The following NFIB variants were observed in gnomAD, a reference collection of about 807,000 sequenced individuals.
NFIB encodes nuclear factor 1 B-type.
Under a neutral mutation model 61.5 loss-of-function variants are expected in NFIB, and 11 were observed. The ratio of observed to expected loss-of-function variants is 0.18; its 90% CI spans 0.11 to 0.30. The LOEUF (loss-of-function observed/expected upper bound fraction) is 0.30, where lower values mean the gene tolerates loss of function less well. Ranked by LOEUF, NFIB falls within the 10% of genes least tolerant of loss-of-function variation. The pLI is 1.00. For missense variants in NFIB, 471 were observed against 608.9 expected, an observed-to-expected ratio of 0.77 and a Z score of 2.38; for synonymous variants, 260 against 216.5, an observed-to-expected ratio of 1.20 and a Z score of -1.76.
At chr9:14,412,706 G>C in the NFIB span, among the ~76,000 whole-genome samples, 3 of 152,118 alleles carry the variant, frequency 2.0e-5, no homozygotes, top group African/African-American at 7.2e-5. Context: ...CAATGCCCCA[G>C]ACCCAAGAGA....
At chr9:14,432,863 A>C in the NFIB span, among the ~76,000 whole-genome samples, 1 of 152,214 alleles carries the variant, frequency 6.6e-6, no homozygotes, top group Non-Finnish European at 1.5e-5. Context: ...CTTTTCTTGG[A>C]AAGGGAGAAG....
chr9:14,481,195 G>GTGTA, the NFIB span, among the ~76,000 whole-genome samples: 13 of 35,054 alleles, frequency 3.7e-4, no homozygotes, highest in South Asian at 1.4e-3. Flanking sequence ...GTGTGTGTGT[G>GTGTA]TGTATATATA....
At chr9:14,220,249 T>C (rs1268930559) in intron 2 of NFIB, among the ~76,000 whole-genome samples, 2 of 152,204 alleles carry the variant, frequency 1.3e-5, no homozygotes, top group African/African-American at 4.8e-5. Context: ...ACAAGGACAA[T>C]GTAGATCCAT....
At chr9:14,174,531 G>C (rs1311157818) in intron 3 of NFIB, among the ~76,000 whole-genome samples, 2 of 152,128 alleles carry the variant, frequency 1.3e-5, no homozygotes, top group African/African-American at 4.8e-5. Flanking sequence ...ACTTTGGGAG[G>C]CTGAGGCGGG....
Position 14,088,089 on chromosome 9 carries a change from C to T in NFIB, c.*220G>A. The T allele has an allele frequency of 9.8e-7, 1 of 1,017,284 alleles. No homozygotes were observed. Among genetic ancestry groups the T allele is most frequent in the Non-Finnish European group, 1.3e-6 (1 of 763,594 alleles). The allele number at this position is 1,017,284 out of a possible 1,614,324, so 63.0% of individuals were successfully genotyped here. A position where few individuals can be genotyped will look rare whatever the true frequency, so the allele number is the denominator to read the frequency against. ...TTGCTGGTCTATTATCTTCTTTCTT[C>T]AGTTTCTTTCCTTTCTGCCTTTGTG... On this transcript the variant is annotated 3_prime_UTR_variant, in exon 11 of 11. Coordinates refer to ENST00000380953, the MANE Select transcript of NFIB (RefSeq NM_001190737.2).
intron 6 of NFIB, among the ~76,000 whole-genome samples, chr9:14,145,818 C>A (rs73411929): frequency 6.6e-6 from 1 of 151,484 alleles, no homozygotes; most frequent in Non-Finnish European, 1.5e-5. Flanking sequence ...GCTTGGCTTA[C>A]GTTTTATTTT....
At chr9:14,393,030 T>G (rs2061643157) in intron 1 of NFIB, among the ~76,000 whole-genome samples, 1 of 152,248 alleles carries the variant, frequency 6.6e-6, no homozygotes, top group Admixed American at 6.5e-5. Context: ...TGGGCAAGTC[T>G]ATTTTCATTA....
At chr9:14,349,124 T>C (rs193026434) in intron 1 of NFIB, among the ~76,000 whole-genome samples, 83 of 152,366 alleles carry the variant, frequency 5.4e-4, no homozygotes, top group African/African-American at 2.0e-3. Context: ...AACAGATCTC[T>C]GTATTTTTAA....
intron 2 of NFIB, among the ~76,000 whole-genome samples, chr9:14,210,377 T>C (rs1437630704): frequency 6.6e-6 from 1 of 152,028 alleles, no homozygotes; most frequent in East Asian, 1.9e-4. Context: ...TTTAAGATTT[T>C]TGCAAAAAAT....
the NFIB span, among the ~76,000 whole-genome samples, chr9:14,459,247 C>A: frequency 0.046 from 6,954 of 152,164 alleles, 178 homozygotes; most frequent in Non-Finnish European, 0.054. Flanking sequence ...GACAAACCTG[C>A]CAAAAACAAG....
chr9:14,359,972 T>C, intron 1 of NFIB, among the ~76,000 whole-genome samples: 1 of 152,334 alleles, frequency 6.6e-6, no homozygotes, highest in East Asian at 1.9e-4. Context: ...AAATTATTTT[T>C]TTTCTTTTTA....
chr9:14,240,196 A>C (rs183451574), intron 2 of NFIB, among the ~76,000 whole-genome samples: 18 of 152,250 alleles, frequency 1.2e-4, no homozygotes, highest in Admixed American at 4.6e-4. Context: ...AATTGGGCCT[A>C]AAGTTTGGAA....
the NFIB span, among the ~76,000 whole-genome samples, chr9:14,455,231 A>C: frequency 7.9e-5 from 12 of 152,258 alleles, no homozygotes; most frequent in Non-Finnish European, 1.6e-4. Context: ...CTGAGTGTGT[A>C]TCATTATTTC....
Position 14,313,638 on chromosome 9 carries a change from TG to T in NFIB, c.-128del. 4.5e-6 allele frequency: 7 copies of T among 1,557,316 alleles called. No individual in the cohort carries two copies. The highest frequency in any genetic ancestry group is 6.1e-6 in the Non-Finnish European group (7 of 1,152,626). On this transcript the variant is annotated 5_prime_UTR_variant, in exon 1 of 11. Coordinates refer to ENST00000380953, the MANE Select transcript of NFIB (RefSeq NM_001190737.2). This position sits in a 1 kb window ranked among gnomAD's most constrained non-coding sequence, Gnocchi z 4.5. ...GATCAATCAGGACGGGGCTCTGCGCTGGATCACCGCAACTTCACAACAAACC... is the reference window on the plus strand; with the variant it reads ...GATCAATCAGGACGGGGCTCTGCGCTGATCACCGCAACTTCACAACAAACC...
the NFIB span, among the ~76,000 whole-genome samples, chr9:14,452,433 G>C: frequency 8.6e-3 from 691 of 80,006 alleles, 16 homozygotes; most frequent in African/African-American, 0.015. Context: ...GGGAGGGAGG[G>C]AGGGGAAGGA....
chr9:14,162,212 T>C (rs2044278931), intron 3 of NFIB, among the ~76,000 whole-genome samples: 1 of 152,040 alleles, frequency 6.6e-6, no homozygotes, highest in Non-Finnish European at 1.5e-5. Flanking sequence ...CATCTACAGT[T>C]TCACAATGAA....
rs1237184059 is a variant in NFIB at position 14,082,677 on chromosome 9, T to TTTTG, written c.*5628_*5631dup. 5.0e-6 allele frequency: 1 copy of TTTTG among 201,886 alleles called. No homozygotes were observed. Among genetic ancestry groups the TTTTG allele is most frequent in the African/African-American group, 2.3e-5 (1 of 43,398 alleles). 12.5% of individuals were successfully genotyped at this position (201,886 alleles called of 1,614,324 possible). A position where few individuals can be genotyped will look rare whatever the true frequency, so the allele number is the denominator to read the frequency against. On this transcript the variant is annotated 3_prime_UTR_variant, in exon 11 of 11. Coordinates refer to ENST00000380953, the MANE Select transcript of NFIB (RefSeq NM_001190737.2). The stretch of plus-strand genomic sequence containing the variant: ...GGTAAACATTTTGCTGGTTTTTTTT[T>TTTTG]TTTGTTTGTTTCTTTCTTGTTTTGC...
At chr9:14,224,569 A>C (rs963333004) in intron 2 of NFIB, among the ~76,000 whole-genome samples, 1 of 152,246 alleles carries the variant, frequency 6.6e-6, no homozygotes, top group Non-Finnish European at 1.5e-5. Context: ...TTTGCTGCAC[A>C]CTGAGTACTA....
At chr9:14,401,969 C>T (rs1032666143), upstream of NFIB, among the ~76,000 whole-genome samples, 3 of 152,154 alleles carry the variant, frequency 2.0e-5, no homozygotes, top group African/African-American at 7.2e-5. Flanking sequence ...CAGTTAAATA[C>T]ATATGTATGC....
Sources: allele counts gnomAD v4.1 joint callset (sites outside exome capture counted in the v4.1 genomes callset), GRCh38; gene constraint gnomAD v4.1.1; non-coding constraint Gnocchi (gnomAD v3.1); transcripts MANE v1.5; gene names NCBI Gene and HGNC (gene_info 2026-07-23, HGNC 2026-07-21).